LIX1: variants seen among roughly 807,000 people sequenced by gnomAD.
LIX1 encodes the protein limb and CNS expressed 1.
Under a neutral mutation model 33.4 loss-of-function variants are expected in LIX1, and 24 were observed. The ratio of observed to expected loss-of-function variants is 0.72; its 90% confidence interval spans 0.52 to 1.01. The LOEUF (loss-of-function observed/expected upper bound fraction) is 1.01, where lower values mean the gene tolerates loss of function less well. Ranked by LOEUF, LIX1 falls within the 50% of genes least tolerant of loss-of-function variation. The pLI is 0.00. For synonymous variants in LIX1, 124 were observed against 124.0 expected, an observed-to-expected ratio of 1.00 and a Z score of 0.00; for missense variants, 311 against 339.2, an observed-to-expected ratio of 0.92 and a Z score of 0.65.
chr5:97,101,381 C>T (rs1746689102), intron 4 of LIX1, among the ~76,000 whole-genome samples: 1 of 152,168 alleles, frequency 6.6e-6, no homozygotes, highest in Admixed American at 6.5e-5. Flanking sequence ...GAGGTCTGTG[C>T]AGCTGTACAG....
intron 4 of LIX1, among the ~76,000 whole-genome samples, chr5:97,102,696 A>C (rs1366824008): frequency 6.6e-6 from 1 of 151,992 alleles, no homozygotes; most frequent in African/African-American, 2.4e-5. Flanking sequence ...GGTTGAGTAG[A>C]GCCTTTCATA....
At chr5:97,137,219 C>T in intron 1 of LIX1, 1 of 402,084 alleles carries the variant, frequency 2.5e-6, no homozygotes, top group South Asian at 1.9e-5. Context: ...CAACCACCAC[C>T]AAAGACCTCT....
At chr5:97,106,321 TC>T (rs891681731) in intron 3 of LIX1, among the ~76,000 whole-genome samples, 22 of 152,210 alleles carry the variant, frequency 1.4e-4, no homozygotes, top group African/African-American at 5.1e-4. Flanking sequence ...AGAACAGAAC[TC>T]CCTGGCATCT....
rs1230309882 is a variant in LIX1 at position 97,102,363 on chromosome 5, C to A, written c.483+2827G>T. 3.9e-5 allele frequency among the ~76,000 whole-genome samples: 6 copies of A among 152,110 alleles called. No individual in the cohort carries two copies. The East Asian group carries it at 1.2e-3, about 30-fold the overall frequency. Reference sequence around the variant, plus strand: ...AATTCCCATTATGTGTAGACACAAGCAGAAGCATTTAACCCAGGCCACTAA... The same window carrying A: ...AATTCCCATTATGTGTAGACACAAGAAGAAGCATTTAACCCAGGCCACTAA... On this transcript the variant is annotated intron_variant, in intron 4 of 5. Transcript: ENST00000274382.
intron 4 of LIX1, among the ~76,000 whole-genome samples, chr5:97,104,294 C>T (rs888618409): frequency 6.6e-6 from 1 of 152,178 alleles, no homozygotes; most frequent in African/African-American, 2.4e-5. Flanking sequence ...AAGGTGAAGT[C>T]TCTTTATTAT....
At position 97,109,087 on chromosome 5, in the gene LIX1, A is replaced by G. The variant is rs550282508; in HGVS notation, c.247-1587T>C. ...CTCTAGAGACCTGTCTCTCCTCCCC[A>G]TCTCCACAAACCTAGTTGGAGTGCC... On this transcript the variant is annotated intron_variant, in intron 2 of 5. Coordinates refer to ENST00000274382, the MANE Select transcript of LIX1 (RefSeq NM_153234.5). Among the ~76,000 whole-genome samples, 17 of 152,036 alleles carry G rather than the reference A, an allele frequency of 1.1e-4. 1 individual carries two copies. The highest frequency in any genetic ancestry group is 3.9e-4 in the East Asian group (2 of 5,150).
At chr5:97,137,231 G>A in intron 1 of LIX1, 1 of 367,006 alleles carries the variant, frequency 2.7e-6, no homozygotes, top group South Asian at 2.2e-5. Flanking sequence ...AAGACCTCTG[G>A]TGAGATGGGA....
rs942202391 is a variant in LIX1 at position 97,093,178 on chromosome 5, C to T, written c.*1570G>A. The T allele has an allele frequency of 6.6e-6, 1 of 152,186 alleles. No homozygotes were observed. Among genetic ancestry groups the T allele is most frequent in the African/African-American group, 2.4e-5 (1 of 41,378 alleles). 9.4% of individuals were successfully genotyped at this position (152,186 alleles called of 1,614,324 possible). On this transcript the variant is annotated 3_prime_UTR_variant, in exon 6 of 6. Coordinates refer to ENST00000274382, the MANE Select transcript of LIX1 (RefSeq NM_153234.5). ...TAATTCCAAAATACATGATCAGTTA[C>T]AGTAGTTTTCATGTGGATTTAAGGA...
chr5:97,137,105 C>T, intron 1 of LIX1: 1 of 446,432 alleles, frequency 2.2e-6, no homozygotes, highest in Non-Finnish European at 4.5e-6. Flanking sequence ...GAAACTCACC[C>T]TTATGCATCT....
At chr5:97,100,554 A>G (rs1014674781) in intron 4 of LIX1, among the ~76,000 whole-genome samples, 1 of 152,168 alleles carries the variant, frequency 6.6e-6, no homozygotes, top group African/African-American at 2.4e-5. Flanking sequence ...ATTTCCCCTC[A>G]TAAGACCAAA....
At chr5:97,095,685 CA>C (rs1462713457) in intron 5 of LIX1, among the ~76,000 whole-genome samples, 1 of 152,120 alleles carries the variant, frequency 6.6e-6, no homozygotes, top group Non-Finnish European at 1.5e-5. Flanking sequence ...CTTTTACAAA[CA>C]ATTAAAAATT....
intron 2 of LIX1, among the ~76,000 whole-genome samples, chr5:97,109,668 C>T (rs1224115674): frequency 2.0e-5 from 3 of 151,972 alleles, no homozygotes; most frequent in African/African-American, 7.3e-5. Context: ...GCGGTGATTT[C>T]TGGGAATTTG....
intron 2 of LIX1, among the ~76,000 whole-genome samples, chr5:97,108,556 G>A (rs777255028): frequency 2.0e-5 from 3 of 152,140 alleles, no homozygotes; most frequent in Non-Finnish European, 2.9e-5. Flanking sequence ...ATAAGTACTG[G>A]ACTGTCCCTG....
chr5:97,097,101 C>T (rs1746420834), intron 4 of LIX1, among the ~76,000 whole-genome samples: 1 of 152,176 alleles, frequency 6.6e-6, no homozygotes, highest in Non-Finnish European at 1.5e-5. Flanking sequence ...CATTACATTA[C>T]TTGTGTAATG....
chr5:97,116,731 AC>A (rs1291417006), intron 2 of LIX1, among the ~76,000 whole-genome samples: 1 of 151,800 alleles, frequency 6.6e-6, no homozygotes, highest in African/African-American at 2.4e-5. Flanking sequence ...TGTAGACAAG[AC>A]GAATTGATCA....
At chr5:97,109,983 G>A (rs1282730428) in intron 2 of LIX1, among the ~76,000 whole-genome samples, 1 of 152,192 alleles carries the variant, frequency 6.6e-6, no homozygotes, top group Non-Finnish European at 1.5e-5. Flanking sequence ...TCGCTCATTG[G>A]TTGATAGGCA....
intron 4 of LIX1, among the ~76,000 whole-genome samples, chr5:97,100,741 G>T (rs911682534): frequency 6.6e-6 from 1 of 151,864 alleles, no homozygotes; most frequent in Non-Finnish European, 1.5e-5. Flanking sequence ...CCTGGTGTTC[G>T]CTGGCTCATA....
Position 97,107,415 on chromosome 5 carries a change from C to A in LIX1, c.332G>T (p.Arg111Met). The A allele has an allele frequency of 6.2e-7, 1 of 1,612,820 alleles. No individual in the cohort carries two copies. The highest frequency in any genetic ancestry group is 1.3e-5 in the African/African-American group (1 of 74,980). ...TTCCATAATGAATTCCTTGGTGATC[C>A]TGCGAGAGGGCAGCTCATTGAAGAG... is the stretch of plus-strand genomic sequence containing the variant. ...NSLFNELPSR[R>M]ITKEFIMESV... Residue 111 changes from arginine (R) to methionine (M), a missense_variant, in exon 3 of 6, where the codon AGG becomes ATG. By Grantham distance (91) the Arg-to-Met change is moderately conservative. Transcript: ENST00000274382.
intron 2 of LIX1, among the ~76,000 whole-genome samples, chr5:97,111,329 T>A (rs1341852342): frequency 1.3e-5 from 2 of 152,236 alleles, no homozygotes; most frequent in Non-Finnish European, 2.9e-5. Context: ...ATATACTTTT[T>A]ATTTTTTTTA....
Sources: allele counts gnomAD v4.1 joint callset (sites outside exome capture counted in the v4.1 genomes callset), GRCh38; gene constraint gnomAD v4.1.1; transcripts MANE v1.5; gene names NCBI Gene and HGNC (gene_info 2026-07-23, HGNC 2026-07-21).